DEPDC4: variants seen among roughly 807,000 people sequenced by gnomAD.
DEPDC4 encodes the protein DEP domain containing 4.
A neutral mutation model predicts 52.0 loss-of-function variants in DEPDC4; 52 were observed. The ratio of observed to expected loss-of-function variants is 1.00; its 90% CI spans 0.80 to 1.26. The LOEUF is 1.26. DEPDC4 is among the 50% of genes most tolerant of loss of function. DEPDC4 has a pLI of 0.00. For missense variants in DEPDC4, 530 were observed against 546.9 expected (o/e 0.97, Z 0.31); for synonymous variants, 201 against 196.8 (o/e 1.02, Z -0.18).
chr12:100,234,990 T>C (rs575792683), intron 9 of DEPDC4, among the ~76,000 whole-genome samples: 1 of 152,260 alleles, frequency 6.6e-6, no homozygotes, highest in African/African-American at 2.4e-5. Context: ...AGTTTCTTTG[T>C]AAACAAGTTT....
chr12:100,235,749 A>C (rs1384188742), downstream of DEPDC4, among the ~76,000 whole-genome samples: 4 of 151,988 alleles, frequency 2.6e-5, no homozygotes, highest in Admixed American at 6.6e-5. Context: ...TAATTTTTGT[A>C]TTTTTAGTAG....
chr12:100,259,228 G>A (rs1006743950), intron 3 of DEPDC4, among the ~76,000 whole-genome samples: 22 of 152,128 alleles, frequency 1.4e-4, no homozygotes, highest in Non-Finnish European at 2.9e-4. Context: ...CATGATCATG[G>A]TAAAGGCAGA....
At chr12:100,251,998 C>T (rs936963293) in intron 7 of DEPDC4, among the ~76,000 whole-genome samples, 178 bp downstream of exon 7, 1 of 152,194 alleles carries the variant, frequency 6.6e-6, no homozygotes, top group South Asian at 2.1e-4. Context: ...CTGTACCCAG[C>T]CAACAAAACG....
chr12:100,273,937 G>A, the DEPDC4 span, among the ~76,000 whole-genome samples: 8 of 152,196 alleles, frequency 5.3e-5, no homozygotes, highest in Non-Finnish European at 1.0e-4. Flanking sequence ...TAGAGGAATA[G>A]ATATGTATGG....
intron 2 of DEPDC4, among the ~76,000 whole-genome samples, chr12:100,262,834 T>A (rs1220618844): frequency 6.6e-6 from 1 of 152,186 alleles, no homozygotes; most frequent in African/African-American, 2.4e-5. Flanking sequence ...AAAACAAAAC[T>A]GTATTTGCTC....
the DEPDC4 span, among the ~76,000 whole-genome samples, chr12:100,279,894 G>C: frequency 2.0e-5 from 3 of 152,186 alleles, no homozygotes; most frequent in African/African-American, 7.2e-5. Flanking sequence ...GAGCATGAAG[G>C]GGACCAGTTT....
intron 3 of DEPDC4, among the ~76,000 whole-genome samples, chr12:100,260,494 G>C (rs2096249787): frequency 6.6e-6 from 1 of 151,844 alleles, no homozygotes; most frequent in South Asian, 2.1e-4. Context: ...AAAAAATAAT[G>C]GGAAAAGTTA....
chr12:100,256,863 G>A (rs369398149), intron 3 of DEPDC4, among the ~76,000 whole-genome samples: 17 of 151,784 alleles, frequency 1.1e-4, no homozygotes, highest in African/African-American at 3.6e-4. Context: ...GGATGGTCTC[G>A]ATCTCCTGAC....
chr12:100,266,598 T>A (rs951371327), intron 1 of DEPDC4, among the ~76,000 whole-genome samples: 1 of 152,226 alleles, frequency 6.6e-6, no homozygotes, highest in Non-Finnish European at 1.5e-5. Context: ...TGGTGCCATC[T>A]GGACATGTAT....
intron 8 of DEPDC4, among the ~76,000 whole-genome samples, chr12:100,248,695 CT>C (rs951666574): frequency 6.6e-6 from 1 of 152,092 alleles, no homozygotes; most frequent in Admixed American, 6.6e-5. Flanking sequence ...AGGTTCCTGC[CT>C]TCTTAGTAGA....
chr12:100,276,365 C>G, the DEPDC4 span, among the ~76,000 whole-genome samples: 1 of 152,118 alleles, frequency 6.6e-6, no homozygotes, highest in Non-Finnish European at 1.5e-5. Context: ...GGATCCCACT[C>G]TTTGTCACGC....
chr12:100,266,910 A>G lies in DEPDC4; in HGVS notation c.157+10T>C, dbSNP rs1229818649. 2 of 1,611,810 alleles carry G rather than the reference A, an allele frequency of 1.2e-6. No homozygotes were observed. The highest frequency in any genetic ancestry group is 3.4e-5 in the Admixed American group (2 of 59,672). On this transcript the variant is annotated intron_variant, in intron 1 of 9. Transcript: ENST00000550587. ...TTCACTGCACATTTGGCTAGGATAT[A>G]CAGGGCTACCTGTCCTCCTTTTCCG...
At chr12:100,234,309 T>C (rs1566303995) in intron 9 of DEPDC4, among the ~76,000 whole-genome samples, 1 of 152,240 alleles carries the variant, frequency 6.6e-6, no homozygotes, top group East Asian at 1.9e-4. Context: ...TGGTGGGAAT[T>C]TATAGCCAAG....
intron 9 of DEPDC4, among the ~76,000 whole-genome samples, chr12:100,233,971 G>A (rs538379426): frequency 6.6e-6 from 1 of 152,278 alleles, no homozygotes; most frequent in East Asian, 1.9e-4. Context: ...GCTGGGCTTG[G>A]TGGCATGTGC....
chr12:100,267,111 A>C (rs768501609), upstream of DEPDC4: 2 of 1,606,120 alleles, frequency 1.2e-6, no homozygotes, highest in African/African-American at 1.3e-5. Flanking sequence ...GGCGGAGAGA[A>C]GTACTGGCTC....
intron 4 of DEPDC4, among the ~76,000 whole-genome samples, chr12:100,254,961 A>G (rs1358250949): frequency 6.6e-6 from 1 of 152,154 alleles, no homozygotes; most frequent in Non-Finnish European, 1.5e-5. Flanking sequence ...CCTGGCCTCA[A>G]GCAATCTTCT....
upstream of DEPDC4, among the ~76,000 whole-genome samples, chr12:100,272,078 G>A (rs1256248167): frequency 1.3e-5 from 2 of 152,114 alleles, no homozygotes; most frequent in Non-Finnish European, 2.9e-5. Flanking sequence ...GGTGATGGCT[G>A]AGCTAGATGG....
chr12:100,267,400 A>C (rs2096279173), upstream of DEPDC4: 1 of 228,954 alleles, frequency 4.4e-6, no homozygotes, highest in Admixed American at 5.7e-5. Context: ...GGAAGAGGTA[A>C]GTGACCGGCC....
intron 9 of DEPDC4, among the ~76,000 whole-genome samples, chr12:100,234,090 G>C (rs1258076397): frequency 1.3e-5 from 2 of 150,764 alleles, no homozygotes; most frequent in Non-Finnish European, 2.9e-5. Flanking sequence ...CTGAGTGACA[G>C]AGTTAGACCC....
Sources: gnomAD v4.1 joint callset for allele counts (sites outside exome capture counted in the v4.1 genomes callset) on GRCh38, gnomAD v4.1.1 for gene constraint, MANE v1.5 for transcripts, NCBI Gene and HGNC (gene_info 2026-07-23, HGNC 2026-07-21) for gene names.